The following IL36B variants were observed in gnomAD, a reference collection of about 807,000 sequenced individuals.
IL36B encodes the protein interleukin-36 beta.
IL36B carries 23 observed loss-of-function variants against 19.3 expected under a neutral mutation model. The ratio of observed to expected loss-of-function variants is 1.19; its 90% CI spans 0.86 to 1.69. IL36B has a LOEUF of 1.69. Ranked by LOEUF, IL36B falls within the 40% of genes most tolerant of loss-of-function variation. IL36B has a pLI of 0.00. For missense variants in IL36B, 217 were observed against 200.5 expected (o/e 1.08, Z -0.50); for synonymous variants, 59 against 59.7 (o/e 0.99, Z 0.05).
chr2:113,023,586 A>G (rs1684900268), intron 5 of IL36B, among the ~76,000 whole-genome samples: 1 of 152,206 alleles, frequency 6.6e-6, no homozygotes, highest in South Asian at 2.1e-4. Flanking sequence ...TGTCAGCTGC[A>G]CAGTCTTTGC....
At chr2:113,042,318 T>A (rs1228263642) in intron 1 of IL36B, among the ~76,000 whole-genome samples, 1 of 151,660 alleles carries the variant, frequency 6.6e-6, no homozygotes, top group Non-Finnish European at 1.5e-5. Flanking sequence ...TTGAAAAAAA[T>A]TTAACTTTAT....
chr2:113,045,787 T>G (rs942272399), intron 1 of IL36B, among the ~76,000 whole-genome samples: 1 of 152,252 alleles, frequency 6.6e-6, no homozygotes, highest in Non-Finnish European at 1.5e-5. Context: ...TGGCAGTTTT[T>G]ACATCTTGGA....
chr2:113,050,662 G>C (rs1320715436), intron 1 of IL36B, among the ~76,000 whole-genome samples: 4 of 152,162 alleles, frequency 2.6e-5, no homozygotes, highest in African/African-American at 9.7e-5. Flanking sequence ...TATATCAAAA[G>C]AGGCAAATGT....
At chr2:113,052,532 A>G (rs1685466884) in intron 1 of IL36B, among the ~76,000 whole-genome samples, 1 of 152,238 alleles carries the variant, frequency 6.6e-6, no homozygotes, top group South Asian at 2.1e-4. Context: ...CTTACCTTAG[A>G]GGACTGATGT....
chr2:113,026,948 T>A (rs1318722710), intron 4 of IL36B, among the ~76,000 whole-genome samples: 6 of 152,292 alleles, frequency 3.9e-5, no homozygotes, highest in South Asian at 2.1e-4. Context: ...AGCAGTACAG[T>A]CAAAAATTCA....
At chr2:113,030,451 G>T (rs975108931) in intron 3 of IL36B, among the ~76,000 whole-genome samples, 1 of 152,166 alleles carries the variant, frequency 6.6e-6, no homozygotes, top group South Asian at 2.1e-4. Flanking sequence ...GCTATGATTG[G>T]CACAAGAAAA....
At chr2:113,041,308 C>G (rs373036252) in intron 1 of IL36B, among the ~76,000 whole-genome samples, 1 of 152,056 alleles carries the variant, frequency 6.6e-6, no homozygotes, top group Admixed American at 6.6e-5. Context: ...ACAATCAAAT[C>G]GAATAGAAAG....
At chr2:113,043,705 C>T (rs1685299343) in intron 1 of IL36B, among the ~76,000 whole-genome samples, 1 of 152,088 alleles carries the variant, frequency 6.6e-6, no homozygotes, top group Non-Finnish European at 1.5e-5. Context: ...AGGCATGCAC[C>T]ACCACACCCA....
chr2:113,023,115 C>T (rs918584789), intron 5 of IL36B, among the ~76,000 whole-genome samples: 6 of 152,190 alleles, frequency 3.9e-5, no homozygotes, highest in African/African-American at 1.4e-4. Flanking sequence ...AACATAGTTT[C>T]TAAATGTTTG....
intron 1 of IL36B, among the ~76,000 whole-genome samples, chr2:113,035,368 C>T (rs1163867727): frequency 2.0e-5 from 3 of 152,138 alleles, no homozygotes; most frequent in African/African-American, 7.2e-5. Context: ...GTGGGAACCC[C>T]TCCCTCTGCA....
intron 1 of IL36B, among the ~76,000 whole-genome samples, chr2:113,034,558 G>A (rs1309187927): frequency 6.6e-6 from 1 of 152,168 alleles, no homozygotes; most frequent in Non-Finnish European, 1.5e-5. Flanking sequence ...TTTGTCTTGA[G>A]GCCAGAGAAC....
chr2:113,052,242 A>G (rs531986947), intron 1 of IL36B, among the ~76,000 whole-genome samples: 20 of 151,946 alleles, frequency 1.3e-4, no homozygotes, highest in Non-Finnish European at 2.8e-4. Flanking sequence ...GAGCCACTGC[A>G]CCTGGCTGGT....
chr2:113,051,374 A>G (rs950987464), intron 1 of IL36B, among the ~76,000 whole-genome samples: 3 of 152,066 alleles, frequency 2.0e-5, no homozygotes, highest in Non-Finnish European at 4.4e-5. Context: ...TGTTCATGGG[A>G]CTCAGTCAGC....
chr2:113,022,954 G>A (rs1185606125), intron 5 of IL36B, among the ~76,000 whole-genome samples: 1 of 152,170 alleles, frequency 6.6e-6, no homozygotes, highest in Non-Finnish European at 1.5e-5. Flanking sequence ...GATTATTACA[G>A]TGACTGGAGA....
chr2:113,038,016 C>A (rs919331279), intron 1 of IL36B, among the ~76,000 whole-genome samples: 7 of 152,152 alleles, frequency 4.6e-5, no homozygotes, highest in African/African-American at 2.4e-5. Context: ...TTTTGACGAG[C>A]ATTTGACGCT....
chr2:113,023,268 T>C (rs1187661766), intron 5 of IL36B, among the ~76,000 whole-genome samples: 4 of 152,200 alleles, frequency 2.6e-5, no homozygotes, highest in Admixed American at 2.6e-4. Context: ...GCTCAAAACA[T>C]ATTTGTTGAA....
Position 113,026,148 on chromosome 2 carries a change from C to G in IL36B, c.346G>C (p.Glu116Gln). Reference sequence around the variant, plus strand: ...TCAAGGGTTCCCATGAAGCAGCTCTCTCTCACATCCAGGTTTATGCATGTG... The same window carrying G: ...TCAAGGGTTCCCATGAAGCAGCTCTGTCTCACATCCAGGTTTATGCATGTG... The change falls in exon 5 of 6, where the codon GAG becomes CAG. Residue 116 changes from glutamate to glutamine, a missense_variant. Physicochemically the swap from Glu to Gln is conservative, Grantham distance 29. Transcript: ENST00000259213. 1 of 1,613,954 alleles carries G rather than the reference C, an allele frequency of 6.2e-7. No homozygotes were observed. Among genetic ancestry groups the G allele is most frequent in the South Asian group, 1.1e-5 (1 of 91,076 alleles).
chr2:113,027,073 T>C (rs923391420), intron 4 of IL36B, among the ~76,000 whole-genome samples: 3 of 152,258 alleles, frequency 2.0e-5, no homozygotes, highest in Non-Finnish European at 2.9e-5. Context: ...TATTATATAA[T>C]GTATTCTTAC....
intron 5 of IL36B, chr2:113,022,866 C>T (rs1227651871): frequency 2.4e-5 from 20 of 828,998 alleles, no homozygotes; most frequent in Middle Eastern, 2.2e-4. Context: ...AGGGCAGATT[C>T]TACACGGAGG....
Sources: gnomAD v4.1 joint callset for allele counts (sites outside exome capture counted in the v4.1 genomes callset) on GRCh38, gnomAD v4.1.1 for gene constraint, MANE v1.5 for transcripts, NCBI Gene and HGNC (gene_info 2026-07-23, HGNC 2026-07-21) for gene names.